Variants in RFC3 observed in about 807,000 individuals in gnomAD.
RFC3 encodes replication factor C subunit 3, also known as A1 38 kDa subunit.
RFC3 carries 41 observed loss-of-function variants against 45.1 expected under a neutral mutation model. The ratio of observed to expected loss-of-function variants is 0.91; its 90% CI spans 0.71 to 1.18. RFC3 has a LOEUF of 1.18. Among genes scored for constraint, RFC3 ranks in the 50% most tolerant of loss-of-function variants. The pLI is 0.00. For synonymous variants in RFC3, 149 were observed against 144.0 expected (o/e 1.03, Z -0.25); for missense variants, 423 against 428.1 (o/e 0.99, Z 0.10).
intron 8 of RFC3, among the ~76,000 whole-genome samples, chr13:33,871,097 C>T (rs377547219): frequency 6.6e-6 from 1 of 152,134 alleles, no homozygotes; most frequent in African/African-American, 2.4e-5. Flanking sequence ...AATCACACAG[C>T]TAGTAATGTC....
At chr13:33,862,209 C>T (rs1274593579) in intron 8 of RFC3, among the ~76,000 whole-genome samples, 2 of 151,514 alleles carry the variant, frequency 1.3e-5, no homozygotes, top group Non-Finnish European at 2.9e-5. Context: ...TGGCTGAGTG[C>T]CATACTGAAG....
At chr13:33,967,212 T>C (rs1398143252), downstream of RFC3, among the ~76,000 whole-genome samples, 1 of 152,044 alleles carries the variant, frequency 6.6e-6, no homozygotes, top group Non-Finnish European at 1.5e-5. Flanking sequence ...TAAACTAAAG[T>C]TAACAAATTT....
chr13:33,860,188 T>C (rs1254110927), intron 8 of RFC3, among the ~76,000 whole-genome samples: 1 of 152,002 alleles, frequency 6.6e-6, no homozygotes, highest in African/African-American at 2.4e-5. Flanking sequence ...CCACTCCACC[T>C]GTGGCATTTT....
chr13:33,918,079 G>T, intron 8 of RFC3, among the ~76,000 whole-genome samples: 1 of 152,104 alleles, frequency 6.6e-6, no homozygotes, highest in Non-Finnish European at 1.5e-5. Flanking sequence ...ATTCAGAAAG[G>T]TCCAGAGGCT....
chr13:33,824,701 A>G (rs2082033648), intron 3 of RFC3, among the ~76,000 whole-genome samples: 1 of 152,128 alleles, frequency 6.6e-6, no homozygotes. Context: ...GAGCAGGAGG[A>G]ATACCATTAC....
intron 8 of RFC3, among the ~76,000 whole-genome samples, chr13:33,950,026 C>G (rs2091805497): frequency 6.6e-6 from 1 of 151,480 alleles, no homozygotes; most frequent in African/African-American, 2.4e-5. Flanking sequence ...TTGCCTGTCT[C>G]TCTCTGCTTT....
chr13:33,886,048 A>C (rs2137614588), intron 8 of RFC3, among the ~76,000 whole-genome samples: 1 of 140,928 alleles, frequency 7.1e-6, no homozygotes, highest in Non-Finnish European at 1.7e-5. Flanking sequence ...AAGACATTCA[A>C]GGAGAGTCTT....
At chr13:33,917,061 G>C (rs983136365) in intron 8 of RFC3, among the ~76,000 whole-genome samples, 2 of 152,130 alleles carry the variant, frequency 1.3e-5, no homozygotes, top group Non-Finnish European at 2.9e-5. Flanking sequence ...CAGAAAAGAA[G>C]GGTGAGATCT....
At chr13:33,883,328 A>T (rs1026812412) in intron 8 of RFC3, among the ~76,000 whole-genome samples, 1 of 152,174 alleles carries the variant, frequency 6.6e-6, no homozygotes, top group South Asian at 2.1e-4. Flanking sequence ...AAAATTGCAT[A>T]ATTTTTGTTA....
intron 8 of RFC3, among the ~76,000 whole-genome samples, chr13:33,940,026 G>T (rs140145901): frequency 8.6e-5 from 13 of 152,038 alleles, no homozygotes; most frequent in African/African-American, 3.1e-4. Context: ...AAACTTTCAT[G>T]TTACTGATTT....
At chr13:33,932,375 A>G (rs961756669) in intron 8 of RFC3, among the ~76,000 whole-genome samples, 1 of 152,120 alleles carries the variant, frequency 6.6e-6, no homozygotes, top group African/African-American at 2.4e-5. Context: ...TTTCATTGGA[A>G]TTGTCTTGCA....
intron 8 of RFC3, among the ~76,000 whole-genome samples, chr13:33,925,690 T>C (rs112396523): frequency 0.081 from 12,044 of 148,616 alleles, 792 homozygotes; most frequent in African/African-American, 0.18. Context: ...TATGTATATA[T>C]ACACACACAC....
intron 8 of RFC3, among the ~76,000 whole-genome samples, chr13:33,861,339 A>G (rs2082339605): frequency 6.6e-6 from 1 of 152,152 alleles, no homozygotes; most frequent in Non-Finnish European, 1.5e-5. Context: ...ATGACTTTGA[A>G]AAGGGAGGCT....
At chr13:33,964,001 A>G (rs929104607) in intron 8 of RFC3, among the ~76,000 whole-genome samples, 2 of 152,230 alleles carry the variant, frequency 1.3e-5, no homozygotes, top group Non-Finnish European at 2.9e-5. Flanking sequence ...GGTCTTGACC[A>G]TCATTGTCGT....
chr13:33,886,312 C>T (rs59039351), intron 8 of RFC3, among the ~76,000 whole-genome samples: 14,647 of 151,968 alleles, frequency 0.096, 1,338 homozygotes, highest in African/African-American at 0.24. Context: ...TTTGGGAGGC[C>T]GAGGTGGGAG....
At chr13:33,832,346 A>G (rs1382203626) in intron 7 of RFC3, among the ~76,000 whole-genome samples, 1 of 152,216 alleles carries the variant, frequency 6.6e-6, no homozygotes, top group Non-Finnish European at 1.5e-5. Context: ...TGCAGCCAAT[A>G]GAGCTTACTC....
At chr13:33,934,875 T>C (rs977806275) in intron 8 of RFC3, among the ~76,000 whole-genome samples, 3 of 152,106 alleles carry the variant, frequency 2.0e-5, no homozygotes, top group Admixed American at 2.0e-4. Context: ...AAGCCCCATG[T>C]CCTATATCCA....
At chr13:33,859,237 C>T (rs574267052) in intron 8 of RFC3, among the ~76,000 whole-genome samples, 99 of 152,230 alleles carry the variant, frequency 6.5e-4, no homozygotes, top group Admixed American at 1.5e-3. Context: ...ATCTGTGTAT[C>T]GTCTTTTCCC....
At chr13:33,900,533 A>C (rs1284756931) in intron 8 of RFC3, among the ~76,000 whole-genome samples, 1 of 147,898 alleles carries the variant, frequency 6.8e-6, no homozygotes, top group East Asian at 2.0e-4. Flanking sequence ...AGAAAAAAAA[A>C]CGTATTAAGA....
Sources: gnomAD v4.1 joint callset for allele counts (sites outside exome capture counted in the v4.1 genomes callset) on GRCh38, gnomAD v4.1.1 for gene constraint, MANE v1.5 for transcripts, NCBI Gene and HGNC (gene_info 2026-07-23, HGNC 2026-07-21) for gene names.